SWAP70: variants seen among roughly 807,000 people sequenced by gnomAD.
SWAP70 encodes the protein switch-associated protein 70.
A neutral mutation model predicts 80.2 loss-of-function variants in SWAP70; 34 were observed. The observed-to-expected ratio is 0.42, with a 90% CI of 0.32 to 0.56. The LOEUF (loss-of-function observed/expected upper bound fraction) is 0.56, where lower values mean the gene tolerates loss of function less well. SWAP70 is among the 20% of genes least tolerant of loss of function. The pLI is 0.09. For synonymous variants in SWAP70, 239 were observed against 238.5 expected (o/e 1.00, Z -0.02); for missense variants, 578 against 690.7 (o/e 0.84, Z 1.83).
chr11:9,743,710 G>A (rs1851472917), intron 9 of SWAP70, among the ~76,000 whole-genome samples: 1 of 151,852 alleles, frequency 6.6e-6, no homozygotes, highest in Non-Finnish European at 1.5e-5. Flanking sequence ...TTTGAGAAGT[G>A]TCTGTTCATG....
intron 1 of SWAP70, among the ~76,000 whole-genome samples, chr11:9,685,712 C>T (rs564736827): frequency 6.6e-6 from 1 of 152,260 alleles, no homozygotes; most frequent in African/African-American, 2.4e-5. Flanking sequence ...CTGCTCACTG[C>T]AATCTCTGAC....
chr11:9,695,307 A>G (rs1850741719), intron 2 of SWAP70, among the ~76,000 whole-genome samples: 1 of 152,084 alleles, frequency 6.6e-6, no homozygotes. Flanking sequence ...AAAAAAAAAA[A>G]AATACGTGCA....
At chr11:9,685,915 G>C (rs1050769188) in intron 1 of SWAP70, among the ~76,000 whole-genome samples, 2 of 151,886 alleles carry the variant, frequency 1.3e-5, no homozygotes, top group African/African-American at 2.4e-5. Context: ...GATTACAGGC[G>C]TGAGCCATTG....
intron 1 of SWAP70, among the ~76,000 whole-genome samples, chr11:9,665,680 G>A (rs1850299286): frequency 6.6e-6 from 1 of 152,188 alleles, no homozygotes. Context: ...ATGCCTTAGA[G>A]ATTAATCCAT....
intron 1 of SWAP70, among the ~76,000 whole-genome samples, chr11:9,675,882 C>T (rs185645781): frequency 7.9e-5 from 12 of 152,276 alleles, no homozygotes; most frequent in Admixed American, 2.6e-4. Flanking sequence ...ATCCTGTGCA[C>T]GTTCATAGAA....
rs563596733 is a variant in SWAP70, at chr11:9,728,549, A to G, written c.789+350A>G. 5.3e-5 allele frequency among the ~76,000 whole-genome samples: 8 copies of G among 152,362 alleles called. No homozygotes were observed. In the East Asian group the frequency reaches 9.6e-4, roughly 18 times the overall value. On this transcript the variant is annotated intron_variant, in intron 5 of 11. Coordinates refer to ENST00000318950, the MANE Select transcript of SWAP70 (RefSeq NM_015055.4). ...AGTAAGACAATATTTGGAATAAAGA[A>G]TATGCCAGAAAATCTGGGACATTTT...
chr11:9,675,422 G>A (rs560834246), intron 1 of SWAP70, among the ~76,000 whole-genome samples: 1 of 107,136 alleles, frequency 9.3e-6, no homozygotes, highest in Non-Finnish European at 1.9e-5. Context: ...AGAGAGAGAG[G>A]AGGGAGGAGG....
At chr11:9,749,047 C>A in intron 10 of SWAP70, 40 bp from the exon 11 acceptor site, 1 of 1,353,566 alleles carries the variant, frequency 7.4e-7, no homozygotes, top group Non-Finnish European at 1.0e-6. Context: ...TCTTAAACTA[C>A]CCGTGTGTCT....
In SWAP70 at chr11:9,750,804, T is replaced by C. The variant is rs1851578828; in HGVS notation, c.*834T>C. On this transcript the variant is annotated 3_prime_UTR_variant, in exon 12 of 12. Coordinates refer to ENST00000318950, the MANE Select transcript of SWAP70 (RefSeq NM_015055.4). ...CATTGGTGCTCTGACAGAGAAGTCATGGAGTCATTGCCATTTCCTGGTTGC... is the reference window on the plus strand; with the variant it reads ...CATTGGTGCTCTGACAGAGAAGTCACGGAGTCATTGCCATTTCCTGGTTGC... 6.6e-6 allele frequency: 1 copy of C among 152,268 alleles called. No homozygotes were observed. Among genetic ancestry groups the C allele is most frequent in the African/African-American group, 2.4e-5 (1 of 41,480 alleles). 9.4% of individuals were successfully genotyped at this position (152,268 alleles called of 1,614,324 possible).
At chr11:9,671,611 AATATATTTCTAT>A (rs1850397683) in intron 1 of SWAP70, among the ~76,000 whole-genome samples, 2 of 49,826 alleles carry the variant, frequency 4.0e-5, no homozygotes, top group Admixed American at 5.6e-4. Context: ...TTTATATAGA[AATATATTTCTAT>A]ATAAATATAT....
At chr11:9,717,090 G>A (rs931384558) in intron 3 of SWAP70, among the ~76,000 whole-genome samples, 2 of 152,156 alleles carry the variant, frequency 1.3e-5, no homozygotes, top group Non-Finnish European at 2.9e-5. Flanking sequence ...TTAGGTGCTC[G>A]CTGGTGATCA....
intron 2 of SWAP70, among the ~76,000 whole-genome samples, chr11:9,697,253 G>C (rs1383289440): frequency 6.7e-6 from 1 of 150,034 alleles, no homozygotes; most frequent in African/African-American, 2.4e-5. Flanking sequence ...TTTGGAAAAT[G>C]CCAAAATGTT....
chr11:9,708,150 A>T (rs1186568275), intron 2 of SWAP70, among the ~76,000 whole-genome samples: 1 of 152,160 alleles, frequency 6.6e-6, no homozygotes. Context: ...TCTTTTGGAT[A>T]TATATCCAGA....
intron 9 of SWAP70, chr11:9,740,891 G>A (rs1401733891): frequency 6.4e-6 from 1 of 155,402 alleles, no homozygotes; most frequent in Non-Finnish European, 1.4e-5. Context: ...CTTTATGATA[G>A]TCATGTTCGC....
At chr11:9,746,749 AGTATAAGAAAAAACTTCG>A (rs1851517048) in intron 9 of SWAP70, among the ~76,000 whole-genome samples, 3 of 152,244 alleles carry the variant, frequency 2.0e-5, no homozygotes, top group East Asian at 3.8e-4. Flanking sequence ...AACTCATCTT[AGTATAAGAAAAAACTTCG>A]TAAGAATTGA....
chr11:9,685,998 A>G (rs1850627241), intron 1 of SWAP70, among the ~76,000 whole-genome samples: 2 of 152,184 alleles, frequency 1.3e-5, no homozygotes, highest in South Asian at 4.1e-4. Flanking sequence ...TTTGGGGGAC[A>G]CATTCAGACC....
intron 1 of SWAP70, among the ~76,000 whole-genome samples, chr11:9,682,874 T>G (rs183514409): frequency 6.4e-4 from 97 of 152,294 alleles, no homozygotes; most frequent in African/African-American, 2.2e-3. Flanking sequence ...ACAGGGTTTT[T>G]GCCATGTTGG....
chr11:9,748,734 A>G (rs1851544725), intron 10 of SWAP70, among the ~76,000 whole-genome samples: 1 of 152,214 alleles, frequency 6.6e-6, no homozygotes, highest in Admixed American at 6.5e-5. Context: ...CCAGCAGGAC[A>G]GTTCAGGGTG....
intron 1 of SWAP70, 149 bp from the exon 2 acceptor site, chr11:9,693,997 G>A (rs1838525355): frequency 3.3e-6 from 3 of 918,618 alleles, no homozygotes; most frequent in Non-Finnish European, 4.5e-6. Flanking sequence ...ACAAGTAGGG[G>A]CTTGCAGCTG....
Sources: gnomAD v4.1 joint callset for allele counts (sites outside exome capture counted in the v4.1 genomes callset) on GRCh38, gnomAD v4.1.1 for gene constraint, MANE v1.5 for transcripts, NCBI Gene and HGNC (gene_info 2026-07-23, HGNC 2026-07-21) for gene names.